The following HTR1E variants were observed in gnomAD, a reference collection of about 807,000 sequenced individuals.
HTR1E encodes 5-hydroxytryptamine receptor 1E, also known as 5-HT-1E.
HTR1E carries 3 observed loss-of-function variants against 3.4 expected under a neutral mutation model. The observed-to-expected ratio is 0.89, with a 90% CI of 0.41 to 2.31. HTR1E has a LOEUF of 2.31. HTR1E is among the 30% of genes most tolerant of loss of function. HTR1E has a pLI of 0.05. For synonymous variants in HTR1E, 170 were observed against 182.8 expected (o/e 0.93, Z 0.56); for missense variants, 392 against 467.0 (o/e 0.84, Z 1.48).
intron 1 of HTR1E, among the ~76,000 whole-genome samples, chr6:86,972,817 T>C (rs1767578901): frequency 6.6e-6 from 1 of 152,180 alleles, no homozygotes; most frequent in Non-Finnish European, 1.5e-5. Context: ...GCCATATAGA[T>C]GATTTTTACT....
At chr6:86,999,966 A>T (rs1207677958) in intron 1 of HTR1E, 2 of 153,056 alleles carry the variant, frequency 1.3e-5, no homozygotes, top group East Asian at 3.8e-4. Flanking sequence ...ATAAATTTTT[A>T]AAATATATCA....
intron 1 of HTR1E, among the ~76,000 whole-genome samples, chr6:86,964,396 A>G (rs1203698421): frequency 3.9e-5 from 6 of 152,376 alleles, no homozygotes; most frequent in Middle Eastern, 3.4e-3. Flanking sequence ...ATATGCCTAA[A>G]TATGCCATCC....
In HTR1E at chr6:87,015,622, G is replaced by A. The variant is rs112628865; in HGVS notation, c.288G>A (p.Glu96=). The A allele has an allele frequency of 1.0e-3, 1,644 of 1,614,182 alleles. 11 individuals are homozygous for A. The highest frequency in any genetic ancestry group is 7.9e-3 in the African/African-American group (595 of 75,032). ...GGAAGCTTGGGTACTTCCTCTGTGA[G>A]GTGTGGCTGAGTGTGGACATGACCT... The part of the protein sequence containing the change: ...DRWKLGYFLC[E]VWLSVDMTCC... Residue 96 remains glutamate, a synonymous_variant, in exon 2 of 2, where the codon GAG becomes GAA. Coordinates refer to ENST00000305344, the MANE Select transcript of HTR1E (RefSeq NM_000865.3).
At chr6:86,986,131 T>C (rs895277109) in intron 1 of HTR1E, among the ~76,000 whole-genome samples, 4 of 152,188 alleles carry the variant, frequency 2.6e-5, no homozygotes, top group African/African-American at 9.7e-5. Context: ...ATCTGGAGAA[T>C]TGGCAAAACT....
At chr6:86,995,292 T>TAATAAATAATA (rs1554183761) in intron 1 of HTR1E, among the ~76,000 whole-genome samples, 1 of 144,074 alleles carries the variant, frequency 6.9e-6, no homozygotes, top group Non-Finnish European at 1.5e-5. Context: ...CTCTATAATA[T>TAATAAATAATA]AATAAATAAA....
At chr6:86,995,852 T>C (rs1767933888) in intron 1 of HTR1E, among the ~76,000 whole-genome samples, 1 of 151,712 alleles carries the variant, frequency 6.6e-6, no homozygotes, top group African/African-American at 2.4e-5. Context: ...AAAATGGACT[T>C]CAGAGTAAAG....
intron 1 of HTR1E, among the ~76,000 whole-genome samples, chr6:87,003,725 C>T (rs980986401): frequency 6.6e-6 from 1 of 151,332 alleles, no homozygotes; most frequent in African/African-American, 2.4e-5. Flanking sequence ...AAAGCAAAAG[C>T]AAACCAAACT....
At chr6:86,939,074 G>A (rs1768510398) in intron 1 of HTR1E, among the ~76,000 whole-genome samples, 1 of 152,190 alleles carries the variant, frequency 6.6e-6, no homozygotes, top group South Asian at 2.1e-4. Context: ...AGAAGATTGA[G>A]ACAGCTTTTC....
chr6:86,955,440 T>C (rs1336218984), intron 1 of HTR1E, among the ~76,000 whole-genome samples: 2 of 152,234 alleles, frequency 1.3e-5, no homozygotes, highest in African/African-American at 2.4e-5. Flanking sequence ...GGTCATTTCA[T>C]GTCCAGTGTC....
At chr6:86,957,535 T>C (rs1284359914) in intron 1 of HTR1E, among the ~76,000 whole-genome samples, 1 of 152,202 alleles carries the variant, frequency 6.6e-6, no homozygotes, top group Non-Finnish European at 1.5e-5. Flanking sequence ...ACTGTCATAT[T>C]TCACCTTACC....
chr6:86,969,618 T>C lies in HTR1E; in HGVS notation c.-186+31795T>C, dbSNP rs79491241. Among the ~76,000 whole-genome samples, 666 of 152,338 alleles carry C rather than the reference T, an allele frequency of 4.4e-3. 30 individuals carry two copies. In the East Asian group the frequency reaches 0.11, roughly 24 times the overall value. ...TGTCTGGTCTCTTTCACCTCTGTTG[T>C]GGACATTTTTCTTCACTCCCAGCTT... On this transcript the variant is annotated intron_variant, in intron 1 of 1. Coordinates refer to ENST00000305344, the MANE Select transcript of HTR1E (RefSeq NM_000865.3).
intron 1 of HTR1E, among the ~76,000 whole-genome samples, chr6:87,009,491 T>C (rs1229839413): frequency 2.0e-5 from 3 of 151,358 alleles, no homozygotes; most frequent in Non-Finnish European, 4.4e-5. Flanking sequence ...ACCATCCGAT[T>C]TCTCAATCTT....
intron 1 of HTR1E, among the ~76,000 whole-genome samples, chr6:86,979,008 A>T (rs1008802251): frequency 2.0e-5 from 3 of 152,228 alleles, no homozygotes; most frequent in African/African-American, 7.2e-5. Flanking sequence ...TGTACCTTTG[A>T]GTCACGGGTT....
intron 1 of HTR1E, among the ~76,000 whole-genome samples, chr6:87,002,952 A>G (rs1469413255): frequency 6.6e-6 from 1 of 152,228 alleles, no homozygotes; most frequent in Non-Finnish European, 1.5e-5. Context: ...ATCAGATTTA[A>G]TCTGCACTAT....
At chr6:87,003,047 A>G (rs1768047372) in intron 1 of HTR1E, among the ~76,000 whole-genome samples, 1 of 152,230 alleles carries the variant, frequency 6.6e-6, no homozygotes, top group South Asian at 2.1e-4. Flanking sequence ...CACATGGATC[A>G]TTCTCAAGGA....
rs537215137 is a variant in HTR1E at position 87,010,867 on chromosome 6, G to A, written c.-185-4283G>A. Among the ~76,000 whole-genome samples the A allele has an allele frequency of 4.6e-3, 695 of 152,250 alleles. 6 individuals are homozygous for A. The highest frequency in any genetic ancestry group is 6.9e-3 in the Middle Eastern group (2 of 290). On this transcript the variant is annotated intron_variant, in intron 1 of 1. Transcript: ENST00000305344. ...AGCCGCTGCCTCCCGGGCGGCGCTC[G>A]CCGGCCTATACGCCACACTTCTTAT...
intron 1 of HTR1E, among the ~76,000 whole-genome samples, chr6:86,974,406 T>C (rs931737949): frequency 6.6e-6 from 1 of 152,204 alleles, no homozygotes; most frequent in African/African-American, 2.4e-5. Context: ...TATCATCTCT[T>C]TAATCTCATT....
At chr6:87,000,853 C>A (rs1280454690) in intron 1 of HTR1E, among the ~76,000 whole-genome samples, 3 of 152,056 alleles carry the variant, frequency 2.0e-5, no homozygotes, top group Admixed American at 6.6e-5. Flanking sequence ...AATATTATAA[C>A]CCTATAATTG....
chr6:86,984,572 C>A (rs1184243905), intron 1 of HTR1E, among the ~76,000 whole-genome samples: 1 of 152,178 alleles, frequency 6.6e-6, no homozygotes, highest in Non-Finnish European at 1.5e-5. Flanking sequence ...GTTAGAATAA[C>A]CCTAAGTACT....
Sources: allele counts gnomAD v4.1 joint callset (sites outside exome capture counted in the v4.1 genomes callset), GRCh38; gene constraint gnomAD v4.1.1; transcripts MANE v1.5; gene names NCBI Gene and HGNC (gene_info 2026-07-23, HGNC 2026-07-21).